The following B3GALT1 variants were observed in gnomAD, a reference collection of about 807,000 sequenced individuals.
B3GALT1 encodes the protein UDP-Gal:betaGlcNAc beta 1,3-galactosyltransferase, polypeptide 1.
In B3GALT1, 10 loss-of-function variants were observed where a neutral mutation model predicts 23.2. The ratio of observed to expected loss-of-function variants is 0.43; its 90% CI spans 0.27 to 0.73. The LOEUF is 0.73. B3GALT1 is among the 30% of genes least tolerant of loss of function. B3GALT1 has a pLI of 0.21. For synonymous variants in B3GALT1, 156 were observed against 141.5 expected, an observed-to-expected ratio of 1.10 and a Z score of -0.73; for missense variants, 299 against 405.4, an observed-to-expected ratio of 0.74 and a Z score of 2.25.
chr2:167,341,661 C>CAA (rs201966357), intron 1 of B3GALT1, among the ~76,000 whole-genome samples: 10 of 151,262 alleles, frequency 6.6e-5, no homozygotes, highest in African/African-American at 1.9e-4. Context: ...CACTGCATCT[C>CAA]AAAAACAAAA....
chr2:167,655,976 C>T (rs10169005), intron 3 of B3GALT1, among the ~76,000 whole-genome samples: 3,166 of 152,208 alleles, frequency 0.021, 46 homozygotes, highest in Non-Finnish European at 0.033. Context: ...TAGAAAGTGT[C>T]GAAGTATTCC....
At chr2:167,579,772 C>G (rs1010189098) in intron 2 of B3GALT1, among the ~76,000 whole-genome samples, 9 of 151,916 alleles carry the variant, frequency 5.9e-5, no homozygotes, top group Admixed American at 2.0e-4. Flanking sequence ...TTTTTTGTCT[C>G]TCCCTCTCAC....
intron 3 of B3GALT1, among the ~76,000 whole-genome samples, chr2:167,722,356 C>G (rs1259493877): frequency 6.6e-6 from 1 of 152,152 alleles, no homozygotes; most frequent in Non-Finnish European, 1.5e-5. Context: ...GACTGCTCTT[C>G]TCAAGCAAAG....
At chr2:167,373,585 C>T (rs995940049) in intron 1 of B3GALT1, among the ~76,000 whole-genome samples, 8 of 152,158 alleles carry the variant, frequency 5.3e-5, no homozygotes, top group African/African-American at 1.9e-4. Flanking sequence ...TGAACACACA[C>T]TCTTATGAAA....
At chr2:167,774,498 T>TTTTTTTTTTTTTTTTTTTTTTTTTG (rs1558974793) in intron 3 of B3GALT1, among the ~76,000 whole-genome samples, 6 of 34,456 alleles carry the variant, frequency 1.7e-4, no homozygotes, top group African/African-American at 3.9e-4. Context: ...TTTTTTTTTG[T>TTTTTTTTTTTTTTTTTTTTTTTTTG]TTTTTTTTTT....
At chr2:167,441,803 G>A (rs1698897437) in intron 1 of B3GALT1, among the ~76,000 whole-genome samples, 1 of 151,538 alleles carries the variant, frequency 6.6e-6, no homozygotes. Flanking sequence ...TGAGATGGGA[G>A]AATCATTTGG....
In B3GALT1 at chr2:167,582,755, TC is replaced by T. The variant is rs555042273; in HGVS notation, c.-409-64151del. On this transcript the variant is annotated intron_variant, in intron 2 of 4. Transcript: ENST00000392690. The stretch of plus-strand genomic sequence containing the variant: ...TCTAGAAAGGATTCATCCAAGCCCA[TC>T]CCTGGGCATTCTACAGCGATGTGCT... Among the ~76,000 whole-genome samples the T allele has an allele frequency of 1.1e-4, 17 of 152,236 alleles. No homozygotes were observed. The South Asian group carries it at 2.9e-3, about 26-fold the overall frequency.
At chr2:167,488,975 A>G (rs1574100390) in intron 1 of B3GALT1, among the ~76,000 whole-genome samples, 1 of 742 alleles carries the variant, frequency 1.3e-3, no homozygotes, top group Non-Finnish European at 2.0e-3. Flanking sequence ...TGATATTACA[A>G]AAAAAAAAAA....
intron 3 of B3GALT1, among the ~76,000 whole-genome samples, chr2:167,734,678 C>T (rs1687464520): frequency 6.6e-6 from 1 of 152,022 alleles, no homozygotes; most frequent in African/African-American, 2.4e-5. Context: ...ATGAAAGTTT[C>T]TCTTGTAAAA....
chr2:167,396,532 A>ATG lies in B3GALT1; in HGVS notation c.-510-93644_-510-93643insGT, dbSNP rs1161281774. On this transcript the variant is annotated intron_variant, in intron 1 of 4. Coordinates refer to ENST00000392690, the MANE Select transcript of B3GALT1 (RefSeq NM_020981.4). Reference sequence around the variant, plus strand: ...AAAGTCTGCAAATATATATATATATATATGTGTGTGTGTGTGTGTGTGTGT... The same window carrying ATG: ...AAAGTCTGCAAATATATATATATATATGTATGTGTGTGTGTGTGTGTGTGTGT... 9.6e-3 allele frequency among the ~76,000 whole-genome samples: 766 copies of ATG among 79,600 alleles called. 5 individuals carry two copies. The highest frequency in any genetic ancestry group is 0.023 in the African/African-American group (704 of 30,034). The allele number at this position is 79,600 out of a possible 152,430, so 52.2% of individuals were successfully genotyped here. A position where few individuals can be genotyped will look rare whatever the true frequency, so the allele number is the denominator to read the frequency against.
At chr2:167,715,251 G>T (rs1687124969) in intron 3 of B3GALT1, 1 of 1,613,912 alleles carries the variant, frequency 6.2e-7, no homozygotes, top group Non-Finnish European at 8.5e-7. Context: ...TTCATCATTG[G>T]CAAGTGTCCA....
At chr2:167,552,364 G>A (rs973083541) in intron 2 of B3GALT1, among the ~76,000 whole-genome samples, 4 of 152,032 alleles carry the variant, frequency 2.6e-5, no homozygotes, top group South Asian at 4.1e-4. Context: ...AGACCCAGAC[G>A]TGTACAACCT....
At chr2:167,671,583 A>G (rs187871177) in intron 3 of B3GALT1, among the ~76,000 whole-genome samples, 2 of 152,298 alleles carry the variant, frequency 1.3e-5, no homozygotes, top group East Asian at 3.9e-4. Flanking sequence ...GTCAAAAATG[A>G]CATTTAAAAA....
chr2:167,577,839 C>T (rs1241772270), intron 2 of B3GALT1, among the ~76,000 whole-genome samples: 3 of 151,614 alleles, frequency 2.0e-5, no homozygotes, highest in Non-Finnish European at 4.4e-5. Context: ...ATTAACCTAG[C>T]TACTCTATAT....
chr2:167,470,193 TTAATAATATCAAGAAGGTCCAC>T (rs1404864587), intron 1 of B3GALT1, among the ~76,000 whole-genome samples: 2 of 152,138 alleles, frequency 1.3e-5, no homozygotes, highest in South Asian at 4.2e-4. Flanking sequence ...TGCCATTAAT[TTAATAATATCAAGAAGGTCCAC>T]TAAGTTCACT....
At chr2:167,321,596 T>A (rs1330973850) in intron 1 of B3GALT1, among the ~76,000 whole-genome samples, 3 of 152,040 alleles carry the variant, frequency 2.0e-5, no homozygotes. Flanking sequence ...ATCCATTGAT[T>A]CTTTAACCAG....
intron 1 of B3GALT1, among the ~76,000 whole-genome samples, chr2:167,449,419 G>A (rs1465502988): frequency 6.6e-6 from 1 of 152,124 alleles, no homozygotes; most frequent in Admixed American, 6.5e-5. Flanking sequence ...GTATAATGGA[G>A]CTACTGATTT....
chr2:167,603,536 G>C (rs151256707), intron 2 of B3GALT1, among the ~76,000 whole-genome samples: 1 of 152,344 alleles, frequency 6.6e-6, no homozygotes, highest in East Asian at 1.9e-4. Context: ...AGAATGTAAA[G>C]ATGAGGGGAA....
At chr2:167,743,239 C>T (rs1035897887) in intron 3 of B3GALT1, among the ~76,000 whole-genome samples, 6 of 151,852 alleles carry the variant, frequency 4.0e-5, no homozygotes, top group Non-Finnish European at 7.4e-5. Context: ...AAAAGTTTCT[C>T]GAGTATGTAC....
Sources: gnomAD v4.1 joint callset for allele counts (sites outside exome capture counted in the v4.1 genomes callset) on GRCh38, gnomAD v4.1.1 for gene constraint, MANE v1.5 for transcripts, NCBI Gene and HGNC (gene_info 2026-07-23, HGNC 2026-07-21) for gene names.